PDGFC: variants seen among roughly 807,000 people sequenced by gnomAD.
The protein encoded by PDGFC is platelet derived growth factor C.
A neutral mutation model predicts 35.5 loss-of-function variants in PDGFC; 12 were observed. The ratio of observed to expected loss-of-function variants is 0.34; its 90% CI spans 0.22 to 0.55. The LOEUF (loss-of-function observed/expected upper bound fraction) is 0.55. Among genes scored for constraint, PDGFC ranks in the 20% least tolerant of loss-of-function variants. The pLI is 0.91. For missense variants in PDGFC, 322 were observed against 412.4 expected (o/e 0.78, Z 1.90); for synonymous variants, 159 against 148.8 (o/e 1.07, Z -0.50).
At chr4:156,940,497 A>G (rs555241976) in intron 1 of PDGFC, among the ~76,000 whole-genome samples, 4 of 152,220 alleles carry the variant, frequency 2.6e-5, no homozygotes, top group Admixed American at 1.3e-4. Context: ...CTACCTTGCC[A>G]TGGGAAAATT....
chr4:156,901,439 G>A (rs192908611), intron 1 of PDGFC, among the ~76,000 whole-genome samples: 15 of 152,206 alleles, frequency 9.9e-5, no homozygotes, highest in Admixed American at 2.0e-4. Context: ...GACCAGGAAA[G>A]AATGACTGAC....
intron 1 of PDGFC, among the ~76,000 whole-genome samples, chr4:156,904,385 C>A (rs1270101597): frequency 6.6e-6 from 1 of 151,956 alleles, no homozygotes; most frequent in Middle Eastern, 3.2e-3. Flanking sequence ...GCTAATTATA[C>A]CTAAATACAC....
intron 3 of PDGFC, among the ~76,000 whole-genome samples, chr4:156,773,099 A>G (rs1252047990): frequency 6.6e-6 from 1 of 152,220 alleles, no homozygotes; most frequent in African/African-American, 2.4e-5. Context: ...AAAGACATTA[A>G]TTTTCATTAC....
chr4:156,917,624 C>A (rs984441157), intron 1 of PDGFC, among the ~76,000 whole-genome samples: 2 of 152,168 alleles, frequency 1.3e-5, no homozygotes, highest in East Asian at 3.8e-4. Flanking sequence ...TAGATTTGGC[C>A]TATTATAGAT....
chr4:156,830,953 C>T (rs1728917581), intron 2 of PDGFC, among the ~76,000 whole-genome samples: 1 of 152,198 alleles, frequency 6.6e-6, no homozygotes, highest in African/African-American at 2.4e-5. Flanking sequence ...GTCCCTACCA[C>T]ACCCATGACT....
chr4:156,919,843 A>T (rs1382362254), intron 1 of PDGFC, among the ~76,000 whole-genome samples: 1 of 152,178 alleles, frequency 6.6e-6, no homozygotes, highest in Non-Finnish European at 1.5e-5. Context: ...CACTTTGTAT[A>T]TTTGTCCCCT....
chr4:156,869,164 T>C (rs1729917012), intron 1 of PDGFC, among the ~76,000 whole-genome samples: 1 of 152,196 alleles, frequency 6.6e-6, no homozygotes, highest in South Asian at 2.1e-4. Context: ...CCAGGTGCGG[T>C]GGCTCATGCC....
intron 1 of PDGFC, among the ~76,000 whole-genome samples, chr4:156,904,782 T>C (rs1407466944): frequency 1.3e-5 from 2 of 152,114 alleles, no homozygotes; most frequent in African/African-American, 2.4e-5. Context: ...TGCTTTATTT[T>C]TGTTTTTGGC....
chr4:156,818,125 C>T (rs1337483637), intron 2 of PDGFC, among the ~76,000 whole-genome samples: 2 of 145,956 alleles, frequency 1.4e-5, no homozygotes, highest in Non-Finnish European at 3.0e-5. Flanking sequence ...ATACTAGATA[C>T]TAAAAATTAA....
intron 1 of PDGFC, among the ~76,000 whole-genome samples, chr4:156,930,029 G>T (rs936794712): frequency 1.3e-5 from 2 of 152,152 alleles, no homozygotes; most frequent in Non-Finnish European, 2.9e-5. Context: ...TAAATGAACT[G>T]GTTGACTAAC....
intron 1 of PDGFC, among the ~76,000 whole-genome samples, chr4:156,924,612 A>C (rs192205653): frequency 4.5e-4 from 68 of 152,162 alleles, no homozygotes; most frequent in Non-Finnish European, 8.4e-4. Context: ...TTTATTAGGG[A>C]GGGGGAAGAA....
intron 3 of PDGFC, among the ~76,000 whole-genome samples, chr4:156,788,771 G>A (rs1225179447): frequency 6.6e-6 from 1 of 152,058 alleles, no homozygotes; most frequent in Non-Finnish European, 1.5e-5. Flanking sequence ...TTTCAGAAAT[G>A]GTTACTTTAA....
At chr4:156,903,520 T>A (rs1033148720) in intron 1 of PDGFC, among the ~76,000 whole-genome samples, 2 of 151,892 alleles carry the variant, frequency 1.3e-5, no homozygotes, top group African/African-American at 4.8e-5. Context: ...GTTTCCCCTA[T>A]GAAAATTAGA....
At chr4:156,845,355 C>G (rs1729301202) in intron 2 of PDGFC, among the ~76,000 whole-genome samples, 1 of 151,478 alleles carries the variant, frequency 6.6e-6, no homozygotes, top group Admixed American at 6.6e-5. Context: ...GAACAAAGGA[C>G]ATAATGAATG....
chr4:156,957,071 C>T (rs1167774146), intron 1 of PDGFC, among the ~76,000 whole-genome samples: 2 of 151,908 alleles, frequency 1.3e-5, no homozygotes, highest in African/African-American at 4.8e-5. Context: ...GTACCTACTT[C>T]CCTACCAAAT....
intron 2 of PDGFC, among the ~76,000 whole-genome samples, chr4:156,818,516 G>GTTTTTTTTTTTTTTTTTTTTTTT (rs35714916): frequency 1.0e-5 from 1 of 98,894 alleles, no homozygotes; most frequent in African/African-American, 3.9e-5. Context: ...CTTTCTAGCT[G>GTTTTTTTTTTTTTTTTTTTTTTT]TTTTTTTTTT....
chr4:156,887,573 T>C (rs899026690), intron 1 of PDGFC, among the ~76,000 whole-genome samples: 12 of 152,174 alleles, frequency 7.9e-5, no homozygotes, highest in African/African-American at 2.7e-4. Flanking sequence ...GGAGTCCAGG[T>C]TGATTGATAC....
At chr4:156,970,016 G>C (rs1050849112) in intron 1 of PDGFC, among the ~76,000 whole-genome samples, 1 of 152,202 alleles carries the variant, frequency 6.6e-6, no homozygotes, top group Non-Finnish European at 1.5e-5. Flanking sequence ...CTGGCTTTAT[G>C]AAAGGAGCCT....
intron 1 of PDGFC, among the ~76,000 whole-genome samples, chr4:156,860,562 G>A (rs1004044518): frequency 5.3e-5 from 8 of 151,994 alleles, no homozygotes; most frequent in Admixed American, 1.3e-4. Flanking sequence ...CACGGGGCGC[G>A]GAGGAGAAAA....
Sources: allele counts gnomAD v4.1 joint callset (sites outside exome capture counted in the v4.1 genomes callset), GRCh38; gene constraint gnomAD v4.1.1; transcripts MANE v1.5; gene names NCBI Gene and HGNC (gene_info 2026-07-23, HGNC 2026-07-21).